RASGRF2: variants seen among roughly 807,000 people sequenced by gnomAD.
RASGRF2 encodes Ras protein specific guanine nucleotide releasing factor 2.
Under a neutral mutation model 151.0 loss-of-function variants are expected in RASGRF2, and 76 were observed. The ratio of observed to expected loss-of-function variants is 0.50; its 90% CI spans 0.42 to 0.61. RASGRF2 has a LOEUF of 0.61. Ranked by LOEUF, RASGRF2 falls within the 20% of genes least tolerant of loss-of-function variation. The probability of loss-of-function intolerance (pLI) is 0.00; values close to 1 mark genes in which losing one functional copy is unlikely to be tolerated. For missense variants in RASGRF2, 1,148 were observed against 1,564.6 expected, an observed-to-expected ratio of 0.73 and a Z score of 4.49; for synonymous variants, 504 against 566.5, an observed-to-expected ratio of 0.89 and a Z score of 1.57.
intron 1 of RASGRF2, among the ~76,000 whole-genome samples, chr5:80,996,717 A>G (rs1346476147): frequency 6.7e-6 from 1 of 150,006 alleles, no homozygotes; most frequent in East Asian, 2.0e-4. Flanking sequence ...CTCATGCCTC[A>G]GGCTCCCAAG....
chr5:81,132,069 TC>T (rs1753636437), intron 17 of RASGRF2, among the ~76,000 whole-genome samples: 1 of 152,258 alleles, frequency 6.6e-6, no homozygotes, highest in African/African-American at 2.4e-5. Flanking sequence ...TTTGTTTTTT[TC>T]CTCAACACTT....
intron 1 of RASGRF2, among the ~76,000 whole-genome samples, chr5:80,982,010 G>A (rs999922958): frequency 6.6e-6 from 1 of 152,206 alleles, no homozygotes; most frequent in African/African-American, 2.4e-5. Flanking sequence ...TAATTCACTA[G>A]CAGTGGAGCA....
intron 17 of RASGRF2, among the ~76,000 whole-genome samples, chr5:81,159,647 T>C (rs1228804004): frequency 1.3e-5 from 2 of 152,212 alleles, no homozygotes; most frequent in African/African-American, 4.8e-5. Context: ...GTGGTTATGA[T>C]TGCAAAACTA....
chr5:80,961,398 A>T (rs1747551254), intron 1 of RASGRF2, among the ~76,000 whole-genome samples: 1 of 149,994 alleles, frequency 6.7e-6, no homozygotes. Flanking sequence ...GATTGGCAAG[A>T]CGGAACTAAC....
At chr5:81,034,808 A>C (rs838303) in intron 1 of RASGRF2, among the ~76,000 whole-genome samples, 1 of 98,914 alleles carries the variant, frequency 1.0e-5, no homozygotes, top group Non-Finnish European at 2.0e-5. Context: ...GTGGGGTGGG[A>C]GGGGGGTAGG....
At chr5:81,157,722 A>G (rs1436231774) in intron 17 of RASGRF2, among the ~76,000 whole-genome samples, 1 of 152,232 alleles carries the variant, frequency 6.6e-6, no homozygotes, top group Non-Finnish European at 1.5e-5. Flanking sequence ...ACAGGGCAGC[A>G]GAAGAGAGAA....
At chr5:81,136,806 T>A (rs1753765219) in intron 17 of RASGRF2, among the ~76,000 whole-genome samples, 1 of 152,128 alleles carries the variant, frequency 6.6e-6, no homozygotes, top group African/African-American at 2.4e-5. Flanking sequence ...TTTTCCCCCT[T>A]TCCTTTTTCT....
intron 23 of RASGRF2, among the ~76,000 whole-genome samples, chr5:81,214,851 CAAT>C (rs1755699936): frequency 1.3e-5 from 2 of 152,358 alleles, no homozygotes; most frequent in African/African-American, 2.4e-5. Context: ...ATGTCAACAA[CAAT>C]GTTATTTCTC....
chr5:81,009,506 A>G (rs1402795729), intron 1 of RASGRF2, among the ~76,000 whole-genome samples: 4 of 152,252 alleles, frequency 2.6e-5, no homozygotes, highest in African/African-American at 9.6e-5. Flanking sequence ...CATGAGGAGC[A>G]AATATCCCTA....
intron 4 of RASGRF2, among the ~76,000 whole-genome samples, chr5:81,070,822 G>A (rs1264353810): frequency 6.6e-6 from 1 of 152,124 alleles, no homozygotes; most frequent in Non-Finnish European, 1.5e-5. Context: ...GTGTTCTCCA[G>A]TGGGGTTAAT....
intron 19 of RASGRF2, among the ~76,000 whole-genome samples, chr5:81,203,806 G>A (rs1755447357): frequency 6.6e-6 from 1 of 152,226 alleles, no homozygotes; most frequent in Admixed American, 6.5e-5. Context: ...CACAATGCCT[G>A]AAAAGTCATT....
intron 1 of RASGRF2, among the ~76,000 whole-genome samples, chr5:81,030,046 G>A (rs1750182193): frequency 6.6e-6 from 1 of 152,028 alleles, no homozygotes; most frequent in African/African-American, 2.4e-5. Flanking sequence ...TGGAAGAAAG[G>A]GTATCAGTGA....
chr5:81,110,761 T>G (rs1261288958), intron 13 of RASGRF2, among the ~76,000 whole-genome samples: 1 of 152,206 alleles, frequency 6.6e-6, no homozygotes, highest in Non-Finnish European at 1.5e-5. Context: ...GGTGATGAAT[T>G]CATAAAATTT....
In RASGRF2 at chr5:81,025,660, T is replaced by C. The variant is rs567513444; in HGVS notation, c.289-17217T>C. On this transcript the variant is annotated intron_variant, in intron 1 of 26. Coordinates refer to ENST00000265080, the MANE Select transcript of RASGRF2 (RefSeq NM_006909.3). ...ACACATGGCCATTGGTTTCTGTTTG[T>C]TGTCCGGAGGCAGCAGCTGAAACTG... Among the ~76,000 whole-genome samples, 102 of 152,344 alleles carry C rather than the reference T, an allele frequency of 6.7e-4. 1 individual carries two copies. The Middle Eastern group carries it at 0.01, about 15-fold the overall frequency.
intron 26 of RASGRF2, among the ~76,000 whole-genome samples, chr5:81,223,019 A>G (rs1755887364): frequency 6.6e-6 from 1 of 152,240 alleles, no homozygotes; most frequent in Admixed American, 6.5e-5. Flanking sequence ...TCAAAATAGC[A>G]ACAAAATCTG....
intron 18 of RASGRF2, among the ~76,000 whole-genome samples, chr5:81,189,292 C>T (rs1015629535): frequency 1.8e-4 from 28 of 152,188 alleles, no homozygotes; most frequent in Non-Finnish European, 3.1e-4. Flanking sequence ...ACTGCTCAGG[C>T]ACCACAGAGT....
At chr5:81,062,727 A>G (rs1485553479) in intron 2 of RASGRF2, among the ~76,000 whole-genome samples, 5 of 152,212 alleles carry the variant, frequency 3.3e-5, no homozygotes, top group Non-Finnish European at 5.9e-5. Flanking sequence ...CTTGAAGAAG[A>G]ACCTTGTGTG....
At chr5:80,974,198 A>G (rs1748035451) in intron 1 of RASGRF2, among the ~76,000 whole-genome samples, 1 of 152,186 alleles carries the variant, frequency 6.6e-6, no homozygotes, top group African/African-American at 2.4e-5. Context: ...AGACAGTTCG[A>G]TCAGCAGCCA....
At chr5:81,169,243 A>G (rs1754586465) in intron 17 of RASGRF2, among the ~76,000 whole-genome samples, 1 of 152,142 alleles carries the variant, frequency 6.6e-6, no homozygotes. Flanking sequence ...TGAACAGTGG[A>G]GCCATTCCTG....
Sources: allele counts gnomAD v4.1 joint callset (sites outside exome capture counted in the v4.1 genomes callset), GRCh38; gene constraint gnomAD v4.1.1; transcripts MANE v1.5; gene names NCBI Gene and HGNC (gene_info 2026-07-23, HGNC 2026-07-21).